The following TTC28 variants were observed in gnomAD, a reference collection of about 807,000 sequenced individuals.
TTC28 encodes tetratricopeptide repeat domain 28, also known as tetratricopeptide repeat protein 28.
Under a neutral mutation model 198.0 loss-of-function variants are expected in TTC28, and 61 were observed. The observed-to-expected ratio is 0.31, with a 90% CI of 0.25 to 0.38. The LOEUF is 0.38. TTC28 is among the 10% of genes least tolerant of loss of function. The pLI, the probability that TTC28 is intolerant of heterozygous loss-of-function variation, is 1.00. For synonymous variants in TTC28, 1,171 were observed against 1,297.8 expected, an observed-to-expected ratio of 0.90 and a Z score of 2.10; for missense variants, 2,678 against 3,164.0, an observed-to-expected ratio of 0.85 and a Z score of 3.69.
chr22:28,159,192 A>C (rs989029414), intron 6 of TTC28, among the ~76,000 whole-genome samples: 3 of 152,362 alleles, frequency 2.0e-5, no homozygotes, highest in Admixed American at 6.5e-5. Flanking sequence ...CCAAAACTAC[A>C]ATGAGATATC....
At chr22:28,603,781 A>G (rs755971070) in intron 2 of TTC28, among the ~76,000 whole-genome samples, 2 of 152,168 alleles carry the variant, frequency 1.3e-5, no homozygotes, top group Non-Finnish European at 2.9e-5. Context: ...TACTTCTGAA[A>G]TATTAGTAAA....
At chr22:28,432,275 G>C (rs1403486941) in intron 2 of TTC28, among the ~76,000 whole-genome samples, 1 of 151,512 alleles carries the variant, frequency 6.6e-6, no homozygotes. Context: ...GACAGAGCGA[G>C]ACTCTGTCTC....
At chr22:28,564,736 T>TC (rs1197285473) in intron 2 of TTC28, among the ~76,000 whole-genome samples, 1 of 151,080 alleles carries the variant, frequency 6.6e-6, no homozygotes, top group Admixed American at 6.6e-5. Flanking sequence ...TTCTGATCCC[T>TC]CTCCTCTCCC....
intron 5 of TTC28, among the ~76,000 whole-genome samples, chr22:28,250,073 C>T (rs1036961838): frequency 1.3e-5 from 2 of 152,150 alleles, no homozygotes; most frequent in East Asian, 3.8e-4. Context: ...ATCTCAGTCC[C>T]AGGACAGTCA....
At chr22:28,100,970 G>A (rs550010087) in intron 9 of TTC28, among the ~76,000 whole-genome samples, 7 of 152,292 alleles carry the variant, frequency 4.6e-5, no homozygotes, top group African/African-American at 1.7e-4. Flanking sequence ...AAGAAATTGA[G>A]AAATCTATCA....
intron 2 of TTC28, among the ~76,000 whole-genome samples, chr22:28,615,262 A>G (rs1406069912): frequency 6.6e-6 from 1 of 152,198 alleles, no homozygotes; most frequent in African/African-American, 2.4e-5. Context: ...ACCATCTCAC[A>G]CAAGTTAGAA....
At chr22:28,201,069 AGTTG>A (rs1283639898) in intron 5 of TTC28, among the ~76,000 whole-genome samples, 1 of 152,152 alleles carries the variant, frequency 6.6e-6, no homozygotes, top group East Asian at 1.9e-4. Flanking sequence ...AACACATTAG[AGTTG>A]GATAGTGTTA....
chr22:28,181,556 G>A (rs994474470), intron 5 of TTC28, among the ~76,000 whole-genome samples: 1 of 152,158 alleles, frequency 6.6e-6, no homozygotes, highest in Admixed American at 6.6e-5. Flanking sequence ...GATGCTCAAT[G>A]TAAACTTGAT....
chr22:28,312,280 C>T (rs1270781770), intron 2 of TTC28, among the ~76,000 whole-genome samples: 1 of 151,980 alleles, frequency 6.6e-6, no homozygotes, highest in South Asian at 2.1e-4. Flanking sequence ...ACTTTAACAC[C>T]CCACTGTCAA....
intron 6 of TTC28, among the ~76,000 whole-genome samples, chr22:28,126,351 G>C (rs762577742): frequency 6.6e-6 from 1 of 152,286 alleles, no homozygotes; most frequent in South Asian, 2.1e-4. Context: ...TTATAATCCA[G>C]TGTTGAGTGG....
At chr22:28,030,892 C>T (rs1939047128) in intron 12 of TTC28, among the ~76,000 whole-genome samples, 1 of 152,218 alleles carries the variant, frequency 6.6e-6, no homozygotes, top group African/African-American at 2.4e-5. Flanking sequence ...AGGAGACAAA[C>T]ATGCTGACAA....
intron 2 of TTC28, among the ~76,000 whole-genome samples, chr22:28,383,774 A>T (rs375559075): frequency 6.6e-6 from 1 of 152,192 alleles, no homozygotes; most frequent in Non-Finnish European, 1.5e-5. Context: ...GGGCCTCCCA[A>T]TTGGAATTGG....
intron 5 of TTC28, among the ~76,000 whole-genome samples, chr22:28,168,924 T>C (rs931307246): frequency 3.3e-4 from 50 of 152,126 alleles, no homozygotes; most frequent in African/African-American, 1.1e-3. Context: ...ACCTACTCAT[T>C]TGACAAAGGG....
chr22:28,630,521 G>A (rs1210660311), intron 1 of TTC28, among the ~76,000 whole-genome samples: 7 of 152,050 alleles, frequency 4.6e-5, no homozygotes, highest in Admixed American at 6.6e-5. Context: ...TCACTATGTT[G>A]CCCAGGTTGA....
chr22:28,477,840 A>G (rs1196699214), intron 2 of TTC28, among the ~76,000 whole-genome samples: 1 of 152,176 alleles, frequency 6.6e-6, no homozygotes, highest in Non-Finnish European at 1.5e-5. Flanking sequence ...CACCATGAAA[A>G]CATGCCCAAC....
chr22:28,211,945 T>A (rs1020792844), intron 5 of TTC28, among the ~76,000 whole-genome samples: 7 of 152,104 alleles, frequency 4.6e-5, no homozygotes. Context: ...CACAGTGCAA[T>A]CAAATTAGAA....
intron 3 of TTC28, among the ~76,000 whole-genome samples, chr22:28,305,986 A>G (rs908768137): frequency 6.6e-6 from 1 of 152,160 alleles, no homozygotes; most frequent in Non-Finnish European, 1.5e-5. Flanking sequence ...TTTTATTTCA[A>G]CATAATCTTT....
intron 1 of TTC28, among the ~76,000 whole-genome samples, chr22:28,647,120 CA>C (rs2051482449): frequency 2.0e-5 from 3 of 152,152 alleles, no homozygotes; most frequent in Admixed American, 2.0e-4. Context: ...CATACAAAAA[CA>C]AAAACTGGGG....
intron 1 of TTC28, among the ~76,000 whole-genome samples, chr22:28,661,968 T>A (rs2051756471): frequency 6.6e-6 from 1 of 152,198 alleles, no homozygotes; most frequent in Admixed American, 6.6e-5. Flanking sequence ...CTTGAACTCC[T>A]GACCTCAAGC....
Sources: gnomAD v4.1 joint callset for allele counts (sites outside exome capture counted in the v4.1 genomes callset) on GRCh38, gnomAD v4.1.1 for gene constraint, MANE v1.5 for transcripts, NCBI Gene and HGNC (gene_info 2026-07-23, HGNC 2026-07-21) for gene names.